Variants in DNAJB7 observed in about 807,000 individuals in gnomAD.
DNAJB7 encodes the protein DnaJ heat shock protein family (Hsp40) member B7, also known as dnaJ homolog subfamily B member 7.
DNAJB7 carries 1 observed loss-of-function variant against 1.2 expected under a neutral mutation model. The ratio of observed to expected loss-of-function variants is 0.84; its 90% CI spans 0.30 to 4.01. The LOEUF (loss-of-function observed/expected upper bound fraction) is 4.01, where lower values mean the gene tolerates loss of function less well. DNAJB7 is among the 30% of genes most tolerant of loss of function. DNAJB7 has a pLI of 0.18. For missense variants in DNAJB7, 420 were observed against 358.5 expected, an observed-to-expected ratio of 1.17 and a Z score of -1.39; for synonymous variants, 128 against 127.7, an observed-to-expected ratio of 1.00 and a Z score of -0.01.
At position 40,860,948 on chromosome 22, in the gene DNAJB7, A is replaced by G. The variant is rs1244889496; in HGVS notation, c.*117T>C. ...AAAAAACTACTAACCAAATGTCCAC[A>G]ATCCTGCTAAAAGTGTTGAAAAGCT... On this transcript the variant is annotated 3_prime_UTR_variant, in exon 1 of 1. Transcript: ENST00000307221. 9.9e-7 allele frequency: 1 copy of G among 1,014,824 alleles called. No homozygotes were observed. Among genetic ancestry groups the G allele is most frequent in the Non-Finnish European group, 1.4e-6 (1 of 709,468 alleles). The allele number at this position is 1,014,824 out of a possible 1,614,324, so 62.9% of individuals were successfully genotyped here.
rs749714458 is a variant in DNAJB7, at chr22:40,861,791, A to G, written c.204T>C (p.Tyr68=). The G allele has an allele frequency of 2.5e-6, 4 of 1,613,534 alleles. No homozygotes were observed. Among genetic ancestry groups the G allele is most frequent in the East Asian group, 2.2e-5 (1 of 44,858 alleles). ...NDEKRDIYDK[Y]GTEGLNGGGS... ...CACCTCCGTTTAATCCTTCTGTGCC[A>G]TATTTATCATAAATGTCCCGTTTCT... The change falls in exon 1 of 1, where the codon TAT becomes TAC. Residue 68 remains tyrosine, a synonymous_variant. Transcript: ENST00000307221.
At position 40,860,559 on chromosome 22, in the gene DNAJB7, T is replaced by G. The variant is rs2145764462; in HGVS notation, c.*506A>C. The G allele has an allele frequency of 1.0e-6, 1 of 985,040 alleles. No individual in the cohort carries two copies. The highest frequency in any genetic ancestry group is 2.9e-5 in the East Asian group (1 of 34,296). 61.0% of individuals were successfully genotyped at this position (985,040 alleles called of 1,614,324 possible). A position where few individuals can be genotyped will look rare whatever the true frequency, so the allele number is the denominator to read the frequency against. On this transcript the variant is annotated 3_prime_UTR_variant, in exon 1 of 1. Coordinates refer to ENST00000307221, the MANE Select transcript of DNAJB7 (RefSeq NM_145174.2). ...CTAATGCTATGCATGTTTCGTAAGT[T>G]TGTATAGTGGTTTTAATTAGAAAAA...
chr22:40,860,711 G>A lies in DNAJB7; in HGVS notation c.*354C>T, dbSNP rs1026961875. 3.0e-6 allele frequency: 3 copies of A among 1,016,216 alleles called. No homozygotes were observed. In the African/African-American group the frequency reaches 4.9e-5, roughly 17 times the overall value. 62.9% of individuals were successfully genotyped at this position (1,016,216 alleles called of 1,614,324 possible). A position where few individuals can be genotyped will look rare whatever the true frequency, so the allele number is the denominator to read the frequency against. On this transcript the variant is annotated 3_prime_UTR_variant, in exon 1 of 1. Coordinates refer to ENST00000307221, the MANE Select transcript of DNAJB7 (RefSeq NM_145174.2). ...TTTGTCACCCAAGCTGGAGTGCAGT[G>A]GCGTGATCCCATTACACTGCAACCT...
Position 40,861,712 on chromosome 22 carries a change from C to T in DNAJB7, c.283G>A (p.Asp95Asn). 1 of 1,614,038 alleles carries T rather than the reference C, an allele frequency of 6.2e-7. No individual in the cohort carries two copies. Among genetic ancestry groups the T allele is most frequent in the Non-Finnish European group, 8.5e-7 (1 of 1,179,986 alleles). ...EYGFTFHKPD[D>N]VFKEIFHERD... ...TCATGAAAAATTTCTTTAAAAACAT[C>T]ATCTGGCTTATGGAATGTGAAGCCG... The change falls in exon 1 of 1, where the codon GAT (aspartate) becomes AAT (asparagine). Residue 95 changes from aspartate to asparagine, a missense_variant. Asp to Asn is a conservative substitution (Grantham distance 23, BLOSUM62 1). Transcript: ENST00000307221.
chr22:40,861,206 C>T lies in DNAJB7; in HGVS notation c.789G>A (p.Val263=). The T allele has an allele frequency of 6.2e-7, 1 of 1,614,030 alleles. No individual in the cohort carries two copies. Among genetic ancestry groups the T allele is most frequent in the Non-Finnish European group, 8.5e-7 (1 of 1,180,006 alleles). The change falls in exon 1 of 1, where the codon GTG becomes GTA. Residue 263 remains valine (V), a synonymous_variant. Coordinates refer to ENST00000307221, the MANE Select transcript of DNAJB7 (RefSeq NM_145174.2). ...SSKHVSQYTF[V]DNDEGGISWV... is the part of the protein sequence containing the mutation. ...AAGATATACCTCCCTCATCATTGTC[C>T]ACGAAAGTATATTGAGATACATGTT...
chr22:40,861,049 T>A lies in DNAJB7; in HGVS notation c.*16A>T. On this transcript the variant is annotated 3_prime_UTR_variant, in exon 1 of 1. Coordinates refer to ENST00000307221, the MANE Select transcript of DNAJB7 (RefSeq NM_145174.2). The stretch of plus-strand genomic sequence containing the variant: ...CACACAATTGTGTTCAAATGTTATA[T>A]ATTTGAAGAGTCAATTTAACAATTC... The A allele has an allele frequency of 6.4e-7, 1 of 1,560,806 alleles. No individual in the cohort carries two copies. Among genetic ancestry groups the A allele is most frequent in the Non-Finnish European group, 8.6e-7 (1 of 1,156,802 alleles).
Position 40,861,207 on chromosome 22 carries a change from A to G in DNAJB7, c.788T>C (p.Val263Ala). 1.9e-6 allele frequency: 3 copies of G among 1,614,128 alleles called. No individual in the cohort carries two copies. The South Asian group carries it at 3.3e-5, about 18-fold the overall frequency. Residue 263 changes from valine (V) to alanine (A), a missense_variant, in exon 1 of 1, where the codon GTG becomes GCG. Val to Ala is a moderately conservative substitution (Grantham distance 64). Coordinates refer to ENST00000307221, the MANE Select transcript of DNAJB7 (RefSeq NM_145174.2). ...AGATATACCTCCCTCATCATTGTCCACGAAAGTATATTGAGATACATGTTT... is the reference window on the plus strand; with the variant it reads ...AGATATACCTCCCTCATCATTGTCCGCGAAAGTATATTGAGATACATGTTT... ...SSKHVSQYTFVDNDEGGISWV... is the reference protein window; with the variant it reads ...SSKHVSQYTFADNDEGGISWV...
At position 40,861,520 on chromosome 22, in the gene DNAJB7, A is replaced by T. The variant is rs775646757; in HGVS notation, c.475T>A (p.Ser159Thr). 6 of 1,613,944 alleles carry T rather than the reference A, an allele frequency of 3.7e-6. No individual in the cohort carries two copies. The highest frequency in any genetic ancestry group is 5.1e-6 in the Non-Finnish European group (6 of 1,180,000). Residue 159 changes from serine to threonine, a missense_variant, in exon 1 of 1, where the codon TCA becomes ACA. Coordinates refer to ENST00000307221, the MANE Select transcript of DNAJB7 (RefSeq NM_145174.2). Reference protein sequence around the residue: ...KFSSYDTGYTSQGSLGHEGLT... With the variant: ...KFSSYDTGYTTQGSLGHEGLT... ...CCTTCATGCCCCAATGAACCCTGTG[A>T]TGTATATCCTGTATCATATGAAGAA...
In DNAJB7 at chr22:40,861,598, C is replaced by G. The variant is rs1017492498; in HGVS notation, c.397G>C (p.Asp133His). Residue 133 changes from aspartate to histidine, a missense_variant, in exon 1 of 1, where the codon GAT (aspartate) becomes CAT (histidine). Transcript: ENST00000307221. ...PGSSYGNRNR[D>H]AGYFFSTASE... ...GCAGTGGAGAAAAAGTATCCTGCAT[C>G]TCTGTTTCTGTTTCCATAGGAGCTT... The G allele has an allele frequency of 5.0e-6, 8 of 1,612,990 alleles. No individual in the cohort carries two copies. Among genetic ancestry groups the G allele is most frequent in the African/African-American group, 1.3e-5 (1 of 74,840 alleles).
In DNAJB7 at chr22:40,861,659, A is replaced by G. The variant is rs756794633; in HGVS notation, c.336T>C (p.Phe112=). Residue 112 remains phenylalanine, a synonymous_variant, in exon 1 of 1, where the codon TTT becomes TTC. Coordinates refer to ENST00000307221, the MANE Select transcript of DNAJB7 (RefSeq NM_145174.2). ...HERDPFSFHF[F]EDSLEDLLNR... ...TTAACAGGTCCTCAAGCGAGTCTTC[A>G]AAGAAGTGAAAAGAAAATGGATCCC... is the stretch of plus-strand genomic sequence containing the variant. 1.2e-6 allele frequency: 2 copies of G among 1,614,126 alleles called. No individual in the cohort carries two copies. Among genetic ancestry groups the G allele is most frequent in the Non-Finnish European group, 1.7e-6 (2 of 1,180,018 alleles).
In DNAJB7 at chr22:40,861,093, T is replaced by G; in HGVS notation, c.902A>C (p.Gln301Pro). 6.3e-7 allele frequency: 1 copy of G among 1,597,442 alleles called. No individual in the cohort carries two copies. The highest frequency in any genetic ancestry group is 8.5e-7 in the Non-Finnish European group (1 of 1,173,998). Residue 301 changes from glutamine to proline, a missense_variant, in exon 1 of 1, where the codon CAA becomes CCA. Gln to Pro is a moderately conservative substitution (Grantham distance 76). Coordinates refer to ENST00000307221, the MANE Select transcript of DNAJB7 (RefSeq NM_145174.2). ...ACAATTCCTTTTGGTAGACTTCTTT[T>G]GCACCTCTTTACGCTTCTTTTTTTT... ...KRKKKKRKEV[Q>P]KKSTKRNC is the part of the protein sequence containing the mutation.
Position 40,860,609 on chromosome 22 carries a change from TAAAGAAA to T in DNAJB7, c.*449_*455del. ...AAGAAAAATAGGCTATAAACTCTAC[TAAAGAAA>T]AATTCAAAAGTAAAAAACTCATTGC... On this transcript the variant is annotated 3_prime_UTR_variant, in exon 1 of 1. Transcript: ENST00000307221. 1.6e-6 allele frequency: 2 copies of T among 1,274,634 alleles called. No homozygotes were observed. Among genetic ancestry groups the T allele is most frequent in the South Asian group, 3.3e-5 (2 of 61,472 alleles). 79.0% of individuals were successfully genotyped at this position (1,274,634 alleles called of 1,614,324 possible).
chr22:40,860,540 C>A lies in DNAJB7; in HGVS notation c.*525G>T. ...CTTGATACATTCTTGTCTTCTAATG[C>A]TATGCATGTTTCGTAAGTTTGTATA... On this transcript the variant is annotated 3_prime_UTR_variant, in exon 1 of 1. Coordinates refer to ENST00000307221, the MANE Select transcript of DNAJB7 (RefSeq NM_145174.2). The A allele has an allele frequency of 1.3e-6, 1 of 786,166 alleles. No individual in the cohort carries two copies. The highest frequency in any genetic ancestry group is 1.8e-6 in the Non-Finnish European group (1 of 551,042). The allele number at this position is 786,166 out of a possible 1,614,324, so 48.7% of individuals were successfully genotyped here.
chr22:40,861,130 C>G lies in DNAJB7; in HGVS notation c.865G>C (p.Gly289Arg), dbSNP rs376934804. 2.5e-6 allele frequency: 4 copies of G among 1,613,348 alleles called. No individual in the cohort carries two copies. The highest frequency in any genetic ancestry group is 1.1e-5 in the South Asian group (1 of 90,830). ...CGCTTCTTTTTTTTCCTCTTACCAC[C>G]CTCTTTGACTCCTGCTGAGAAAATA... ...PPIFSAGVKE[G>R]GKRKKKKRKE... The change falls in exon 1 of 1, where the codon GGT becomes CGT. Residue 289 changes from glycine (G) to arginine (R), a missense_variant. Transcript: ENST00000307221.
In DNAJB7 at chr22:40,861,628, G is replaced by T; in HGVS notation, c.367C>A (p.Pro123Thr). ...EDSLEDLLNR[P>T]GSSYGNRNRD... ...TTTCTGTTTCCATAGGAGCTTCCTG[G>T]ACGATTTAACAGGTCCTCAAGCGAG... Residue 123 changes from proline (P) to threonine (T), a missense_variant, in exon 1 of 1, where the codon CCA becomes ACA. Coordinates refer to ENST00000307221, the MANE Select transcript of DNAJB7 (RefSeq NM_145174.2). The T allele has an allele frequency of 6.2e-7, 1 of 1,613,584 alleles. No individual in the cohort carries two copies. Among genetic ancestry groups the T allele is most frequent in the South Asian group, 1.1e-5 (1 of 90,890 alleles).
In DNAJB7 at chr22:40,861,043, G is replaced by A; in HGVS notation, c.*22C>T. 3 of 1,550,286 alleles carry A rather than the reference G, an allele frequency of 1.9e-6. No individual in the cohort carries two copies. The highest frequency in any genetic ancestry group is 2.6e-6 in the Non-Finnish European group (3 of 1,149,780). On this transcript the variant is annotated 3_prime_UTR_variant, in exon 1 of 1. Coordinates refer to ENST00000307221, the MANE Select transcript of DNAJB7 (RefSeq NM_145174.2). ...AAAACACACACAATTGTGTTCAAAT[G>A]TTATATATTTGAAGAGTCAATTTAA... is the stretch of plus-strand genomic sequence containing the variant.
Position 40,860,641 on chromosome 22 carries a change from C to A in DNAJB7, c.*424G>T. 1.5e-6 allele frequency: 2 copies of A among 1,302,492 alleles called. No individual in the cohort carries two copies. The highest frequency in any genetic ancestry group is 2.1e-6 in the Non-Finnish European group (2 of 970,494). The allele number at this position is 1,302,492 out of a possible 1,614,324, so 80.7% of individuals were successfully genotyped here. A position where few individuals can be genotyped will look rare whatever the true frequency, so the allele number is the denominator to read the frequency against. ...AAATTCAAAAGTAAAAAACTCATTG[C>A]AGTTTTCCAAATTCCTTTTTTTTTT... On this transcript the variant is annotated 3_prime_UTR_variant, in exon 1 of 1. Transcript: ENST00000307221.
Position 40,861,190 on chromosome 22 carries a change from C to A in DNAJB7, c.805G>T (p.Gly269Cys). ...CTGTTGCTGGTAACCCAAGATATAC[C>A]TCCCTCATCATTGTCCACGAAAGTA... ...QYTFVDNDEG[G>C]ISWVTSNRDP... The change falls in exon 1 of 1, where the codon GGT becomes TGT. Residue 269 changes from glycine to cysteine, a missense_variant. Transcript: ENST00000307221. The A allele has an allele frequency of 6.2e-7, 1 of 1,614,032 alleles. No homozygotes were observed. Among genetic ancestry groups the A allele is most frequent in the Non-Finnish European group, 8.5e-7 (1 of 1,179,998 alleles).
rs201202655 is a variant in DNAJB7 at position 40,861,798 on chromosome 22, T to C, written c.197A>G (p.Asp66Gly). ...GTTTAATCCTTCTGTGCCATATTTA[T>C]CATAAATGTCCCGTTTCTCATCATT... is the stretch of plus-strand genomic sequence containing the variant. ...LSNDEKRDIY[D>G]KYGTEGLNGG... Residue 66 changes from aspartate (D) to glycine (G), a missense_variant, in exon 1 of 1, where the codon GAT becomes GGT. Physicochemically the swap from Asp to Gly is moderately conservative, Grantham distance 94. Coordinates refer to ENST00000307221, the MANE Select transcript of DNAJB7 (RefSeq NM_145174.2). 37 of 1,613,430 alleles carry C rather than the reference T, an allele frequency of 2.3e-5. No homozygotes were observed. Among genetic ancestry groups the C allele is most frequent in the Non-Finnish European group, 2.5e-5 (30 of 1,179,840 alleles).
Sources: gnomAD v4.1 joint callset for allele counts on GRCh38, gnomAD v4.1.1 for gene constraint, MANE v1.5 for transcripts, NCBI Gene and HGNC (gene_info 2026-07-23, HGNC 2026-07-21) for gene names.